The following FCF1 variants were observed in gnomAD, a reference collection of about 807,000 sequenced individuals.
FCF1 encodes FCF1 rRNA-processing protein, also known as rRNA-processing protein FCF1 homolog.
Under a neutral mutation model 32.5 loss-of-function variants are expected in FCF1, and 17 were observed. The observed-to-expected ratio is 0.52, with a 90% confidence interval of 0.36 to 0.78. The LOEUF (loss-of-function observed/expected upper bound fraction) is 0.78. Ranked by LOEUF, FCF1 falls within the 30% of genes least tolerant of loss-of-function variation. The pLI is 0.00. For missense variants in FCF1, 201 were observed against 241.1 expected (o/e 0.83, Z 1.10); for synonymous variants, 84 against 78.4 (o/e 1.07, Z -0.38).
chr14:74,726,606 T>C (rs1246467133), intron 5 of FCF1, among the ~76,000 whole-genome samples: 2 of 150,390 alleles, frequency 1.3e-5, no homozygotes, highest in Non-Finnish European at 3.0e-5. Context: ...CCCATCTCTT[T>C]TTTTTTTTTT....
chr14:74,721,796 C>A (rs1193498642), intron 4 of FCF1, among the ~76,000 whole-genome samples: 2 of 151,986 alleles, frequency 1.3e-5, no homozygotes, highest in Non-Finnish European at 2.9e-5. Flanking sequence ...TTTTTTAAAC[C>A]CAGTATCTTA....
In FCF1 at chr14:74,720,871, T is replaced by G. The variant is rs138767926; in HGVS notation, c.293-2401T>G. On this transcript the variant is annotated intron_variant, in intron 4 of 7. Transcript: ENST00000341162. ...GTATCAATCATGTTGCCCAAGTTTT[T>G]GGGGTTTGTTTTTTTTTTTTTTTTT... is the stretch of plus-strand genomic sequence containing the variant. 5.1e-4 allele frequency among the ~76,000 whole-genome samples: 74 copies of G among 144,190 alleles called. No individual in the cohort carries two copies. The East Asian group carries it at 0.013, about 26-fold the overall frequency. The allele number at this position is 144,190 out of a possible 152,430, so 94.6% of individuals were successfully genotyped here. A position where few individuals can be genotyped will look rare whatever the true frequency, so the allele number is the denominator to read the frequency against.
At chr14:74,730,934 G>C (rs1370948429) in intron 5 of FCF1, among the ~76,000 whole-genome samples, 1 of 152,066 alleles carries the variant, frequency 6.6e-6, no homozygotes, top group African/African-American at 2.4e-5. Context: ...GGGAGCAGAG[G>C]TTGCAGTGAG....
At chr14:74,723,397 CTGTT>C in intron 5 of FCF1, 53 bp downstream of exon 5, 1 of 1,269,512 alleles carries the variant, frequency 7.9e-7, no homozygotes. Flanking sequence ...GAAGATTCAT[CTGTT>C]TGTTGTTTAA....
intron 1 of FCF1, 105 bp downstream of exon 1, chr14:74,713,305 T>G: frequency 6.2e-7 from 1 of 1,611,522 alleles, no homozygotes; most frequent in South Asian, 1.1e-5. Context: ...CCTAGCATAT[T>G]TTCATTCTGG....
At chr14:74,732,919 A>C in intron 6 of FCF1, 101 bp downstream of exon 6, 1 of 680,990 alleles carries the variant, frequency 1.5e-6, no homozygotes. Context: ...AGGAATATAC[A>C]TTATGGTTAA....
intron 2 of FCF1, among the ~76,000 whole-genome samples, chr14:74,714,597 T>TA (rs35356315): frequency 6.6e-6 from 1 of 152,180 alleles, no homozygotes; most frequent in Non-Finnish European, 1.5e-5. Context: ...AGATTCTGAC[T>TA]AAAAAATAAA....
In FCF1 at chr14:74,713,365, G is replaced by T. The variant is rs2090359669; in HGVS notation, c.4-120G>T. On this transcript the variant is annotated intron_variant, in intron 1 of 7. Coordinates refer to ENST00000341162, the MANE Select transcript of FCF1 (RefSeq NM_015962.5). The stretch of plus-strand genomic sequence containing the variant: ...CGGTGACTGTTATGCTTTACAGAGT[G>T]GGGAAGAGGGTCTGGGTTATTTGAG... The T allele has an allele frequency of 2.2e-5, 34 of 1,547,882 alleles. No homozygotes were observed. The South Asian group carries it at 3.8e-4, about 17-fold the overall frequency.
At chr14:74,715,061 T>C in intron 3 of FCF1, 118 bp downstream of exon 3, 1 of 1,028,092 alleles carries the variant, frequency 9.7e-7, no homozygotes, top group South Asian at 1.8e-5. Flanking sequence ...ACTATGTAGA[T>C]GAAAGTCATA....
At chr14:74,718,714 C>T (rs983800362) in intron 4 of FCF1, among the ~76,000 whole-genome samples, 18 of 151,952 alleles carry the variant, frequency 1.2e-4, no homozygotes, top group East Asian at 7.8e-4. Flanking sequence ...TCAAGCATTC[C>T]GCCCACTTTG....
At chr14:74,719,129 CA>C (rs1167421434) in intron 4 of FCF1, among the ~76,000 whole-genome samples, 406 of 34,292 alleles carry the variant, frequency 0.012, no homozygotes, top group Middle Eastern at 0.03. Context: ...GACTCTGTCT[CA>C]AAAAAAAAAA....
intron 5 of FCF1, among the ~76,000 whole-genome samples, chr14:74,731,671 G>C (rs1170184918): frequency 6.6e-6 from 1 of 152,120 alleles, no homozygotes; most frequent in African/African-American, 2.4e-5. Flanking sequence ...ACAGTTGGCT[G>C]GTGTCCTATT....
At chr14:74,719,231 G>A (rs887912348) in intron 4 of FCF1, among the ~76,000 whole-genome samples, 2 of 151,210 alleles carry the variant, frequency 1.3e-5, no homozygotes, top group African/African-American at 4.9e-5. Context: ...GGAGGCTGAG[G>A]CTACAGTGAA....
intron 5 of FCF1, among the ~76,000 whole-genome samples, chr14:74,728,836 CT>C (rs2090602124): frequency 2.6e-5 from 4 of 152,104 alleles, no homozygotes; most frequent in Admixed American, 1.3e-4. Context: ...TGCCAAAGGC[CT>C]TTTCTGCATC....
At chr14:74,715,441 A>G (rs928108752) in intron 3 of FCF1, among the ~76,000 whole-genome samples, 1 of 152,170 alleles carries the variant, frequency 6.6e-6, no homozygotes, top group African/African-American at 2.4e-5. Context: ...TATCACAGGT[A>G]GATACTGATC....
intron 5 of FCF1, among the ~76,000 whole-genome samples, chr14:74,730,366 C>A (rs2090619525): frequency 6.6e-6 from 1 of 151,964 alleles, no homozygotes; most frequent in South Asian, 2.1e-4. Flanking sequence ...GTGCATACCA[C>A]TATGCATGTC....
At chr14:74,718,698 C>T (rs2090455248) in intron 4 of FCF1, among the ~76,000 whole-genome samples, 1 of 151,956 alleles carries the variant, frequency 6.6e-6, no homozygotes, top group Non-Finnish European at 1.5e-5. Flanking sequence ...TATCGAACTC[C>T]TGACCTCAAG....
intron 5 of FCF1, among the ~76,000 whole-genome samples, chr14:74,728,472 G>C (rs1260008247): frequency 6.6e-6 from 1 of 152,122 alleles, no homozygotes; most frequent in Non-Finnish European, 1.5e-5. Flanking sequence ...AGACTTTGCT[G>C]AAGTTGCTTA....
chr14:74,733,305 G>T (rs1456483787), intron 6 of FCF1, among the ~76,000 whole-genome samples: 4 of 151,460 alleles, frequency 2.6e-5, no homozygotes, highest in Non-Finnish European at 5.9e-5. Context: ...CCTTCATTAA[G>T]CACCACAAGG....
Sources: allele counts gnomAD v4.1 joint callset (sites outside exome capture counted in the v4.1 genomes callset), GRCh38; gene constraint gnomAD v4.1.1; transcripts MANE v1.5; gene names NCBI Gene and HGNC (gene_info 2026-07-23, HGNC 2026-07-21).